The following CBLB variants were observed in gnomAD, a reference collection of about 807,000 sequenced individuals.
CBLB encodes E3 ubiquitin-protein ligase CBL-B.
A neutral mutation model predicts 104.9 loss-of-function variants in CBLB; 31 were observed. The ratio of observed to expected loss-of-function variants is 0.30; its 90% CI spans 0.22 to 0.40. CBLB has a LOEUF of 0.40. Ranked by LOEUF, CBLB falls within the 10% of genes least tolerant of loss-of-function variation. CBLB has a pLI of 1.00. For missense variants in CBLB, 1,062 were observed against 1,214.6 expected, an observed-to-expected ratio of 0.87 and a Z score of 1.87; for synonymous variants, 440 against 422.6, an observed-to-expected ratio of 1.04 and a Z score of -0.51.
At position 105,776,586 on chromosome 3, in the gene CBLB, T is replaced by C. The variant is rs1441632774; in HGVS notation, c.420-44A>G. 4.5e-6 allele frequency: 7 copies of C among 1,549,832 alleles called. No individual in the cohort carries two copies. The South Asian group carries it at 6.7e-5, about 15-fold the overall frequency. On this transcript the variant is annotated intron_variant, in intron 3 of 18. Transcript: ENST00000394030. ...AAAATGAAGATAAGAAATAAACACC[T>C]AGATGCATGCAAATTTTTATGGTAA...
intron 2 of CBLB, among the ~76,000 whole-genome samples, chr3:105,865,749 A>G (rs1323159850): frequency 2.0e-5 from 3 of 152,218 alleles, no homozygotes; most frequent in South Asian, 2.1e-4. Flanking sequence ...ACACAAATGT[A>G]CAAACACTGA....
chr3:105,830,348 C>T (rs1013700752), intron 3 of CBLB, among the ~76,000 whole-genome samples: 53 of 152,206 alleles, frequency 3.5e-4, no homozygotes, highest in African/African-American at 1.3e-3. Context: ...GCAATATTTC[C>T]TATCAAAGAC....
intron 3 of CBLB, among the ~76,000 whole-genome samples, chr3:105,806,023 A>T (rs1337525950): frequency 6.6e-6 from 1 of 152,124 alleles, no homozygotes; most frequent in Non-Finnish European, 1.5e-5. Context: ...TATTCCTCCC[A>T]TGGTCTACAT....
intron 10 of CBLB, among the ~76,000 whole-genome samples, chr3:105,718,839 A>T (rs866133023): frequency 6.6e-6 from 1 of 152,176 alleles, no homozygotes; most frequent in East Asian, 1.9e-4. Flanking sequence ...GAGAGCAAAA[A>T]ATTTGTGAAA....
At chr3:105,868,443 G>A (rs1269022209) in intron 1 of CBLB, 2 of 378,616 alleles carry the variant, frequency 5.3e-6, no homozygotes, top group Non-Finnish European at 9.3e-6. Flanking sequence ...TCCCGTGCCC[G>A]CAGCACCGTC....
At chr3:105,684,794 G>GC (rs1213968115) in intron 14 of CBLB, among the ~76,000 whole-genome samples, 2 of 152,072 alleles carry the variant, frequency 1.3e-5, no homozygotes, top group African/African-American at 4.8e-5. Flanking sequence ...CTCATGATCT[G>GC]CCCGCCTCAG....
chr3:105,837,173 A>G (rs1560467728), intron 3 of CBLB, among the ~76,000 whole-genome samples: 2 of 152,252 alleles, frequency 1.3e-5, no homozygotes, highest in Non-Finnish European at 2.9e-5. Context: ...AATTCCCACA[A>G]TAAGACTTAA....
intron 3 of CBLB, among the ~76,000 whole-genome samples, chr3:105,782,595 T>C (rs2080413765): frequency 1.3e-5 from 2 of 150,140 alleles, no homozygotes; most frequent in Admixed American, 1.3e-4. Context: ...TTTTTTTTTT[T>C]TTTTTTTTGA....
intron 3 of CBLB, among the ~76,000 whole-genome samples, chr3:105,791,301 G>T (rs186191199): frequency 6.6e-6 from 1 of 152,256 alleles, no homozygotes; most frequent in Admixed American, 6.5e-5. Context: ...TGTATTAACC[G>T]TTTGAAACAC....
intron 3 of CBLB, among the ~76,000 whole-genome samples, chr3:105,837,912 C>T (rs2088816858): frequency 6.6e-6 from 1 of 151,974 alleles, no homozygotes; most frequent in Non-Finnish European, 1.5e-5. Context: ...CCCTCCAGGC[C>T]CCAGCAGCTC....
chr3:105,829,508 A>G (rs1169267780), intron 3 of CBLB, among the ~76,000 whole-genome samples: 1 of 151,748 alleles, frequency 6.6e-6, no homozygotes, highest in African/African-American at 2.4e-5. Flanking sequence ...AAAATTTAAA[A>G]ATCAGCCAGG....
intron 9 of CBLB, among the ~76,000 whole-genome samples, chr3:105,728,111 G>A (rs978004223): frequency 6.6e-6 from 1 of 152,116 alleles, no homozygotes; most frequent in Non-Finnish European, 1.5e-5. Flanking sequence ...GGGATAGATT[G>A]AATCTATAAA....
intron 3 of CBLB, among the ~76,000 whole-genome samples, chr3:105,815,003 C>A (rs1352891596): frequency 3.4e-5 from 5 of 149,122 alleles, no homozygotes; most frequent in Non-Finnish European, 7.4e-5. Context: ...CACTAATATC[C>A]CAACTGCTTC....
At chr3:105,823,046 A>C (rs1487384967) in intron 3 of CBLB, among the ~76,000 whole-genome samples, 1 of 152,184 alleles carries the variant, frequency 6.6e-6, no homozygotes, top group East Asian at 1.9e-4. Context: ...CTAGAAGTTA[A>C]GTGTGTTGAA....
chr3:105,707,889 G>A (rs1247558181), intron 10 of CBLB, among the ~76,000 whole-genome samples: 1 of 151,870 alleles, frequency 6.6e-6, no homozygotes, highest in Non-Finnish European at 1.5e-5. Flanking sequence ...TCAATTCAAT[G>A]TAGACCAAAA....
At chr3:105,804,472 G>T (rs2083270312) in intron 3 of CBLB, among the ~76,000 whole-genome samples, 1 of 151,080 alleles carries the variant, frequency 6.6e-6, no homozygotes, top group Admixed American at 6.6e-5. Context: ...AGTGAGCCAA[G>T]ATCGCTCCAC....
intron 10 of CBLB, among the ~76,000 whole-genome samples, chr3:105,706,191 A>G (rs933346119): frequency 5.3e-5 from 8 of 151,858 alleles, no homozygotes; most frequent in Non-Finnish European, 1.0e-4. Context: ...AGAAGACTAT[A>G]CCTCCGATAT....
At chr3:105,775,302 T>C (rs952002683) in intron 4 of CBLB, among the ~76,000 whole-genome samples, 1 of 152,068 alleles carries the variant, frequency 6.6e-6, no homozygotes, top group African/African-American at 2.4e-5. Flanking sequence ...TGTACATTAC[T>C]CTATGTAGGT....
At chr3:105,676,718 G>A (rs2065687113) in intron 17 of CBLB, among the ~76,000 whole-genome samples, 1 of 152,196 alleles carries the variant, frequency 6.6e-6, no homozygotes, top group Non-Finnish European at 1.5e-5. Context: ...TTATGATATG[G>A]TTTGGCTCTG....
Sources: allele counts gnomAD v4.1 joint callset (sites outside exome capture counted in the v4.1 genomes callset), GRCh38; gene constraint gnomAD v4.1.1; transcripts MANE v1.5; gene names NCBI Gene and HGNC (gene_info 2026-07-23, HGNC 2026-07-21).